SNX8: variants seen among roughly 807,000 people sequenced by gnomAD.
SNX8 encodes sorting nexin-8.
Under a neutral mutation model 51.6 loss-of-function variants are expected in SNX8, and 25 were observed. The ratio of observed to expected loss-of-function variants is 0.48; its 90% CI spans 0.35 to 0.68. The LOEUF is 0.68. Ranked by LOEUF, SNX8 falls within the 30% of genes least tolerant of loss-of-function variation. SNX8 has a pLI of 0.00. For synonymous variants in SNX8, 324 were observed against 277.0 expected, an observed-to-expected ratio of 1.17 and a Z score of -1.68; for missense variants, 695 against 624.0, an observed-to-expected ratio of 1.11 and a Z score of -1.21.
chr7:2,299,852 T>A (rs902282579), intron 1 of SNX8, among the ~76,000 whole-genome samples: 1 of 152,034 alleles, frequency 6.6e-6, no homozygotes, highest in Non-Finnish European at 1.5e-5. Context: ...GGCCACCAAA[T>A]AAGGTCCCTC....
intron 1 of SNX8, among the ~76,000 whole-genome samples, chr7:2,303,636 T>A (rs1005910699): frequency 1.1e-4 from 16 of 152,220 alleles, no homozygotes; most frequent in Non-Finnish European, 2.2e-4. Flanking sequence ...CTTGGGATCC[T>A]GTTGATCTGT....
chr7:2,326,480 G>A (rs1029773847), intron 1 of SNX8, among the ~76,000 whole-genome samples: 99 of 151,454 alleles, frequency 6.5e-4, no homozygotes, highest in Admixed American at 2.8e-3. Flanking sequence ...CCTGGCTAAC[G>A]CGGTGAAACC....
intron 5 of SNX8, among the ~76,000 whole-genome samples, chr7:2,265,245 C>G (rs576263676): frequency 6.6e-6 from 1 of 152,308 alleles, no homozygotes; most frequent in Admixed American, 6.5e-5. Context: ...GAGGCTGAGG[C>G]AGGAGAATGG....
rs769106106 is a variant in SNX8, at chr7:2,263,323, G to A, written c.822C>T (p.Ala274=). 19 of 1,612,682 alleles carry A rather than the reference G, an allele frequency of 1.2e-5. No individual in the cohort carries two copies. The highest frequency in any genetic ancestry group is 4.0e-5 in the African/African-American group (3 of 74,924). The part of the protein sequence containing the change: ...GSDTTPLPSW[A]ALNSSTWGSL... ...ACCCCCACGTGCTGCTATTCAGAGC[G>A]GCCCAGGAGGGCAGCGGGGTCGTGT... Residue 274 remains alanine, a synonymous_variant, in exon 7 of 11, where the codon GCC becomes GCT. Coordinates refer to ENST00000222990, the MANE Select transcript of SNX8 (RefSeq NM_013321.4).
chr7:2,275,802 T>C (rs1795764873), intron 2 of SNX8, among the ~76,000 whole-genome samples: 1 of 150,494 alleles, frequency 6.6e-6, no homozygotes, highest in Non-Finnish European at 1.5e-5. Flanking sequence ...ATCGAGACCA[T>C]CCTGGCCAAC....
At chr7:2,320,617 G>A (rs1796816469) in intron 1 of SNX8, among the ~76,000 whole-genome samples, 1 of 151,924 alleles carries the variant, frequency 6.6e-6, no homozygotes, top group Non-Finnish European at 1.5e-5. Context: ...CCAGCTACAC[G>A]AAAGGCTGAG....
Position 2,314,365 on chromosome 7 carries a change from C to G in SNX8, c.57G>C (p.Glu19Asp), listed in dbSNP as rs577560751. The stretch of plus-strand genomic sequence containing the variant: ...GATCCGCCTCCTCGTCAGCCTCCGC[C>G]TCAGCTGCCGCCCCGACTGCAGCCG... ...LPAAAVGAAA[E>D]AEADEEADPP... Residue 19 changes from glutamate to aspartate, a missense_variant, in exon 1 of 11, where the codon GAG (glutamate) becomes GAC (aspartate). Glu to Asp is a conservative substitution (Grantham distance 45). Transcript: ENST00000222990. 2.0e-4 allele frequency: 248 copies of G among 1,224,014 alleles called. No individual in the cohort carries two copies. In the African/African-American group the frequency reaches 3.4e-3, roughly 17 times the overall value. The allele number at this position is 1,224,014 out of a possible 1,614,324, so 75.8% of individuals were successfully genotyped here. A position where few individuals can be genotyped will look rare whatever the true frequency, so the allele number is the denominator to read the frequency against.
rs945825819 is a variant in SNX8 at position 2,269,604 on chromosome 7, G to C, written c.576C>G (p.Cys192Trp). ...TACAGTTCAGGAATTCGTCCCCGAC[G>C]CACTGTGCTGACTCCTTTAACTTGT... The part of the protein sequence containing the change: ...VQNKLKESAQ[C>W]VGDEFLNCKL... The change falls in exon 5 of 11, where the codon TGC becomes TGG. Residue 192 changes from cysteine to tryptophan, a missense_variant. Transcript: ENST00000222990. The C allele has an allele frequency of 6.3e-7, 1 of 1,599,536 alleles. No individual in the cohort carries two copies. Among genetic ancestry groups the C allele is most frequent in the Non-Finnish European group, 8.5e-7 (1 of 1,173,518 alleles).
At chr7:2,278,519 C>T (rs1795836846) in intron 1 of SNX8, among the ~76,000 whole-genome samples, 1 of 152,230 alleles carries the variant, frequency 6.6e-6, no homozygotes, top group Non-Finnish European at 1.5e-5. Flanking sequence ...CCTCCCTCTG[C>T]TGTGTGCTAG....
intron 4 of SNX8, 116 bp from the exon 5 acceptor site, chr7:2,269,755 A>G (rs894410895): frequency 4.9e-6 from 3 of 607,224 alleles, no homozygotes; most frequent in East Asian, 2.9e-5. Flanking sequence ...ACACATTTCC[A>G]TATGTTGGCT....
chr7:2,271,884 A>G lies in SNX8; in HGVS notation c.506T>C (p.Val169Ala). The G allele has an allele frequency of 8.1e-6, 13 of 1,613,300 alleles. No homozygotes were observed. The highest frequency in any genetic ancestry group is 1.1e-5 in the Non-Finnish European group (13 of 1,179,734). Residue 169 changes from valine (V) to alanine (A), a missense_variant, in exon 4 of 11, where the codon GTG becomes GCG. Physicochemically the swap from Val to Ala is moderately conservative, Grantham distance 64 (BLOSUM62 0). Transcript: ENST00000222990. ...GAAGGACAGGAAGAGCTTGAGGACCACATCCTCGGAGAACAGGGGGTGTCG... is the reference window on the plus strand; with the variant it reads ...GAAGGACAGGAAGAGCTTGAGGACCGCATCCTCGGAGAACAGGGGGTGTCG... ...VARHPLFSED[V>A]VLKLFLSFSG...
chr7:2,307,323 C>T (rs1584727236), intron 1 of SNX8, among the ~76,000 whole-genome samples: 1 of 151,750 alleles, frequency 6.6e-6, no homozygotes, highest in East Asian at 1.9e-4. Flanking sequence ...AGCGTGGCCG[C>T]GCTCCAGTTT....
Position 2,287,628 on chromosome 7 carries a change from A to G in SNX8, c.95-9323T>C, listed in dbSNP as rs372435300. ...TAGCTACACATGCTGGCGGGCACCTATAGTCCCAGCTACTTGGGAGACTGA... is the reference window on the plus strand; with the variant it reads ...TAGCTACACATGCTGGCGGGCACCTGTAGTCCCAGCTACTTGGGAGACTGA... On this transcript the variant is annotated intron_variant, in intron 1 of 10. Coordinates refer to ENST00000222990, the MANE Select transcript of SNX8 (RefSeq NM_013321.4). Among the ~76,000 whole-genome samples the G allele has an allele frequency of 5.3e-5, 8 of 151,864 alleles. No homozygotes were observed. The East Asian group carries it at 9.7e-4, about 18-fold the overall frequency.
At chr7:2,290,236 C>T (rs545191902) in intron 1 of SNX8, among the ~76,000 whole-genome samples, 4 of 152,066 alleles carry the variant, frequency 2.6e-5, no homozygotes, top group South Asian at 4.1e-4. Context: ...TGCAATGGCT[C>T]GTACCTGTAA....
At chr7:2,325,603 G>A (rs931537954) in intron 1 of SNX8, among the ~76,000 whole-genome samples, 8 of 152,004 alleles carry the variant, frequency 5.3e-5, no homozygotes, top group African/African-American at 1.9e-4. Context: ...TGAGGTGGGC[G>A]GATTGCTTGA....
chr7:2,281,432 G>GA (rs939627393), intron 1 of SNX8, among the ~76,000 whole-genome samples: 454 of 137,350 alleles, frequency 3.3e-3, no homozygotes, highest in African/African-American at 6.3e-3. Flanking sequence ...AAACAAAAAG[G>GA]AAAAAAAAAA....
At chr7:2,330,241 G>A (rs1778706365) in intron 1 of SNX8, among the ~76,000 whole-genome samples, 2 of 149,258 alleles carry the variant, frequency 1.3e-5, no homozygotes, top group Non-Finnish European at 3.0e-5. Flanking sequence ...AGGCTCAAGC[G>A]ATTCTCCTGC....
rs199641540 is a variant in SNX8 at position 2,278,291 on chromosome 7, G to A, written c.109C>T (p.Gln37Ter). 4 of 1,576,568 alleles carry A rather than the reference G, an allele frequency of 2.5e-6. No individual in the cohort carries two copies. In the African/African-American group the frequency reaches 4.0e-5, roughly 16 times the overall value. Residue 37 changes from glutamine to a stop codon, truncating the protein, a stop_gained, in exon 2 of 11, where the codon CAG becomes TAG. Coordinates refer to ENST00000222990, the MANE Select transcript of SNX8 (RefSeq NM_013321.4). LOFTEE classifies it high-confidence loss of function. ...DPPASDLPTP[Q>*]AIEPQAIVQQ... is the part of the protein sequence containing the mutation. ...ACGATGGCCTGGGGCTCGATGGCCT[G>A]GGGTGTCGGCAGATCTGCAGGGGAG...
At chr7:2,305,274 T>C (rs1433920111) in intron 1 of SNX8, among the ~76,000 whole-genome samples, 1 of 152,202 alleles carries the variant, frequency 6.6e-6, no homozygotes, top group Non-Finnish European at 1.5e-5. Flanking sequence ...CCAACGGGAC[T>C]TGGGGCATGA....
Sources: allele counts gnomAD v4.1 joint callset (sites outside exome capture counted in the v4.1 genomes callset), GRCh38; gene constraint gnomAD v4.1.1; transcripts MANE v1.5; gene names NCBI Gene and HGNC (gene_info 2026-07-23, HGNC 2026-07-21).